The following SGK1 variants were observed in gnomAD, a reference collection of about 807,000 sequenced individuals.
The protein encoded by SGK1 is serine/threonine-protein kinase Sgk1.
In SGK1, 26 loss-of-function variants were observed where a neutral mutation model predicts 64.2. That is an observed-to-expected ratio of 0.40 (90% CI 0.30 to 0.56). SGK1 has a LOEUF of 0.56. Among genes scored for constraint, SGK1 ranks in the 20% least tolerant of loss-of-function variants. The pLI is 0.38. For synonymous variants in SGK1, 265 were observed against 239.7 expected, an observed-to-expected ratio of 1.11 and a Z score of -0.98; for missense variants, 519 against 645.6, an observed-to-expected ratio of 0.80 and a Z score of 2.12.
intron 2 of SGK1, among the ~76,000 whole-genome samples, chr6:134,215,394 G>T (rs767628696): frequency 6.6e-6 from 1 of 151,794 alleles, no homozygotes; most frequent in Non-Finnish European, 1.5e-5. Flanking sequence ...GGGATTACAG[G>T]CATGAGCCAC....
intron 2 of SGK1, among the ~76,000 whole-genome samples, chr6:134,217,726 C>G (rs538645614): frequency 6.6e-6 from 1 of 152,288 alleles, no homozygotes; most frequent in East Asian, 1.9e-4. Context: ...ATCTTGATCT[C>G]TGCAAGCTAA....
chr6:134,175,613 G>A, intron 3 of SGK1: 5 of 1,543,700 alleles, frequency 3.2e-6, no homozygotes, highest in Admixed American at 1.9e-5. Flanking sequence ...CGGGGCCGCA[G>A]CAGGGACTCG....
rs1242239144 is a variant in SGK1 at position 134,172,380 on chromosome 6, A to G, written c.948-64T>C. ...ATTTCACTTCATAAGATATCCTCTT[A>G]AAGATAATTGCTAAAGGTATTAGAG... is the stretch of plus-strand genomic sequence containing the variant. On this transcript the variant is annotated intron_variant, in intron 9 of 13. Coordinates refer to ENST00000367858, the MANE Select transcript of SGK1 (RefSeq NM_001143676.3). 2.7e-6 allele frequency: 4 copies of G among 1,506,556 alleles called. No individual in the cohort carries two copies. The East Asian group carries it at 9.0e-5, about 34-fold the overall frequency. 93.3% of individuals were successfully genotyped at this position (1,506,556 alleles called of 1,614,324 possible). A position where few individuals can be genotyped will look rare whatever the true frequency, so the allele number is the denominator to read the frequency against.
chr6:134,312,314 AG>A (rs1347442125), intron 1 of SGK1, among the ~76,000 whole-genome samples: 1 of 152,238 alleles, frequency 6.6e-6, no homozygotes, highest in Non-Finnish European at 1.5e-5. Flanking sequence ...CCATAAGAAA[AG>A]GGCCTTTGTT....
intron 3 of SGK1, among the ~76,000 whole-genome samples, chr6:134,183,991 A>T (rs1190165567): frequency 6.6e-6 from 1 of 151,914 alleles, no homozygotes; most frequent in Non-Finnish European, 1.5e-5. Context: ...CCTGCCTAAC[A>T]TTCTCTAATC....
chr6:134,236,224 T>G (rs1420688016), intron 2 of SGK1, among the ~76,000 whole-genome samples: 1 of 152,158 alleles, frequency 6.6e-6, no homozygotes, highest in African/African-American at 2.4e-5. Context: ...TAAACACAAA[T>G]TTACATATGA....
intron 3 of SGK1, among the ~76,000 whole-genome samples, chr6:134,195,347 T>G (rs991273562): frequency 6.6e-6 from 1 of 152,248 alleles, no homozygotes; most frequent in African/African-American, 2.4e-5. Flanking sequence ...AAACAGATTT[T>G]GCTCCAATTG....
chr6:134,244,530 G>A (rs113076400), intron 2 of SGK1, among the ~76,000 whole-genome samples: 473 of 152,188 alleles, frequency 3.1e-3, no homozygotes, highest in African/African-American at 0.011. Flanking sequence ...CGTCCCTCAC[G>A]GCATAGTCCC....
At chr6:134,171,606 A>T in intron 11 of SGK1, 31 bp downstream of exon 11, 1 of 1,464,542 alleles carries the variant, frequency 6.8e-7, no homozygotes, top group Non-Finnish European at 9.6e-7. Context: ...GGGAGCAGGC[A>T]GTGTTCCATG....
At chr6:134,218,172 G>T (rs1776017327) in intron 2 of SGK1, among the ~76,000 whole-genome samples, 1 of 152,140 alleles carries the variant, frequency 6.6e-6, no homozygotes, top group African/African-American at 2.4e-5. Flanking sequence ...GAGGTCCAGA[G>T]GGTAACGTAA....
At chr6:134,290,084 A>G (rs1488292139) in intron 1 of SGK1, among the ~76,000 whole-genome samples, 2 of 136,934 alleles carry the variant, frequency 1.5e-5, no homozygotes, top group African/African-American at 5.4e-5. Context: ...CGTGAGGGGG[A>G]GGTTACAGTG....
In SGK1 at chr6:134,174,063, AT is replaced by A; in HGVS notation, c.454del (p.Ile152SerfsTer2). On this transcript the variant is annotated frameshift_variant, in exon 5 of 14. Coordinates refer to ENST00000367858, the MANE Select transcript of SGK1 (RefSeq NM_001143676.3). LOFTEE classifies it high-confidence loss of function. Reference protein sequence around the residue: ...YACKHPEVQSILKISQPQEPE... With the variant: ...YACKHPEVQSXLKISQPQEPE... ...CTCCTGAGGTTGGGAGATCTTCAAG[AT>A]GGACTGAACTTCAGGGCTGCAGGGA... The A allele has an allele frequency of 1.2e-6, 2 of 1,613,490 alleles. No individual in the cohort carries two copies. The highest frequency in any genetic ancestry group is 1.7e-6 in the Non-Finnish European group (2 of 1,179,756).
chr6:134,173,673 T>C, intron 5 of SGK1, 107 bp from the exon 6 acceptor site: 2 of 733,428 alleles, frequency 2.7e-6, no homozygotes, highest in Non-Finnish European at 4.5e-6. Context: ...CTGATGCAAA[T>C]GACCATACAT....
At chr6:134,260,741 GA>G (rs1463087008) in intron 2 of SGK1, 2 of 147,128 alleles carry the variant, frequency 1.4e-5, no homozygotes, top group East Asian at 3.9e-4. Context: ...TGATAACTCA[GA>G]GTGAAAAGGA....
chr6:134,252,797 C>T (rs1193538949), intron 2 of SGK1, among the ~76,000 whole-genome samples: 1 of 152,050 alleles, frequency 6.6e-6, no homozygotes, highest in Non-Finnish European at 1.5e-5. Flanking sequence ...GCTTAGGAAT[C>T]ACCAGACACC....
chr6:134,317,651 A>G lies in SGK1; in HGVS notation c.-191T>C, dbSNP rs1364993676. 1.2e-5 allele frequency: 7 copies of G among 597,602 alleles called. No homozygotes were observed. The highest frequency in any genetic ancestry group is 1.8e-5 in the Non-Finnish European group (6 of 333,596). 37.0% of individuals were successfully genotyped at this position (597,602 alleles called of 1,614,324 possible). On this transcript the variant is annotated 5_prime_UTR_variant, in exon 1 of 14. It removes the in-frame stop codon of an upstream open reading frame in the 5' UTR. Transcript: ENST00000367858. ...ACTGCAGCAACCTCTCCCCACTTTC[A>G]GTTGCCACCGACAGCGGCTTTTCTC... is the stretch of plus-strand genomic sequence containing the variant.
rs1299960868 is a variant in SGK1 at position 134,297,969 on chromosome 6, C to T, written c.69+19423G>A. ...GATGATGCCGTCCATGTCCGGGGAG[C>T]GGCTGTTGTCCATGGACAGCATCAC... On this transcript the variant is annotated intron_variant, in intron 1 of 13. Transcript: ENST00000367858. 9 of 811,326 alleles carry T rather than the reference C, an allele frequency of 1.1e-5. 1 individual carries two copies. The Middle Eastern group carries it at 8.1e-4, about 73-fold the overall frequency. 50.3% of individuals were successfully genotyped at this position (811,326 alleles called of 1,614,324 possible). A position where few individuals can be genotyped will look rare whatever the true frequency, so the allele number is the denominator to read the frequency against.
At chr6:134,299,273 A>G (rs374388421) in intron 1 of SGK1, among the ~76,000 whole-genome samples, 4 of 151,650 alleles carry the variant, frequency 2.6e-5, no homozygotes, top group African/African-American at 9.7e-5. Flanking sequence ...GCTGAGGTGC[A>G]AGGATCGCTT....
intron 3 of SGK1, among the ~76,000 whole-genome samples, 173 bp downstream of exon 3, chr6:134,207,183 G>A (rs140596779): frequency 0.016 from 2,387 of 151,268 alleles, 71 homozygotes; most frequent in African/African-American, 0.056. Flanking sequence ...CTGAGATTGC[G>A]CCACTGCCCT....
Sources: allele counts gnomAD v4.1 joint callset (sites outside exome capture counted in the v4.1 genomes callset), GRCh38; gene constraint gnomAD v4.1.1; transcripts MANE v1.5; gene names NCBI Gene and HGNC (gene_info 2026-07-23, HGNC 2026-07-21).